MBOAT2: variants seen among roughly 807,000 people sequenced by gnomAD.
The protein encoded by MBOAT2 is membrane-bound glycerophospholipid O-acyltransferase 2.
A neutral mutation model predicts 63.4 loss-of-function variants in MBOAT2; 28 were observed. The observed-to-expected ratio is 0.44, with a 90% CI of 0.33 to 0.61. The LOEUF (loss-of-function observed/expected upper bound fraction) is 0.61, where lower values mean the gene tolerates loss of function less well. Ranked by LOEUF, MBOAT2 falls within the 20% of genes least tolerant of loss-of-function variation. The probability of loss-of-function intolerance (pLI) is 0.03; values close to 1 mark genes in which losing one functional copy is unlikely to be tolerated. For synonymous variants in MBOAT2, 211 were observed against 215.6 expected (o/e 0.98, Z 0.19); for missense variants, 470 against 605.8 (o/e 0.78, Z 2.35).
At chr2:8,928,846 A>G (rs1018615776) in intron 3 of MBOAT2, among the ~76,000 whole-genome samples, 1 of 152,182 alleles carries the variant, frequency 6.6e-6, no homozygotes, top group South Asian at 2.1e-4. Flanking sequence ...AAAGGCAAAT[A>G]ATGTCTAAGT....
intron 3 of MBOAT2, among the ~76,000 whole-genome samples, chr2:8,929,317 AT>A (rs1396865577): frequency 6.6e-6 from 1 of 150,622 alleles, no homozygotes; most frequent in Non-Finnish European, 1.5e-5. Flanking sequence ...TGGCTCTTAC[AT>A]TTTATTTATT....
chr2:8,925,946 T>C (rs1666899413), intron 3 of MBOAT2, among the ~76,000 whole-genome samples: 1 of 152,218 alleles, frequency 6.6e-6, no homozygotes, highest in Non-Finnish European at 1.5e-5. Context: ...TAATCTTCAC[T>C]ACAATCTTAC....
At chr2:8,961,522 G>T (rs1490327507) in intron 1 of MBOAT2, among the ~76,000 whole-genome samples, 2 of 152,016 alleles carry the variant, frequency 1.3e-5, no homozygotes, top group Non-Finnish European at 2.9e-5. Flanking sequence ...CCATCCACAG[G>T]GGACTGTTAC....
intron 3 of MBOAT2, among the ~76,000 whole-genome samples, chr2:8,931,011 A>G (rs1282643570): frequency 6.6e-6 from 1 of 151,894 alleles, no homozygotes; most frequent in East Asian, 1.9e-4. Context: ...CTGCCGCCAC[A>G]CCAAATCTTT....
At chr2:8,859,288 T>G (rs1661330722) in intron 12 of MBOAT2, among the ~76,000 whole-genome samples, 1 of 152,166 alleles carries the variant, frequency 6.6e-6, no homozygotes, top group Non-Finnish European at 1.5e-5. Context: ...AGTTAAGACT[T>G]TTACCAGTCT....
At chr2:8,865,266 C>A (rs1282011644) in intron 9 of MBOAT2, among the ~76,000 whole-genome samples, 2 of 152,092 alleles carry the variant, frequency 1.3e-5, no homozygotes, top group Non-Finnish European at 2.9e-5. Flanking sequence ...ACCTAATACC[C>A]CATCTATATC....
rs1297908210 is a variant in MBOAT2, at chr2:8,862,021, T to C, written c.1185+569A>G. Among the ~76,000 whole-genome samples the C allele has an allele frequency of 6.6e-6, 1 of 152,234 alleles. No individual in the cohort carries two copies. The highest frequency in any genetic ancestry group is 1.5e-5 in the Non-Finnish European group (1 of 68,040). ...TCAAACATGGTTTTTGTCACGTCACTTTCCTCTAACTGGTTTTCAAGGGCT... is the reference window on the plus strand; with the variant it reads ...TCAAACATGGTTTTTGTCACGTCACCTTCCTCTAACTGGTTTTCAAGGGCT... On this transcript the variant is annotated intron_variant, in intron 11 of 12. Coordinates refer to ENST00000305997, the MANE Select transcript of MBOAT2 (RefSeq NM_138799.4). The surrounding 1 kb of genome is among the most constrained non-coding windows in gnomAD (Gnocchi z 4.3).
intron 11 of MBOAT2, chr2:8,861,032 G>A: frequency 4.9e-6 from 1 of 205,850 alleles, no homozygotes; most frequent in Non-Finnish European, 9.6e-6. Context: ...TGGGTAAAGG[G>A]CATATAGAAG....
chr2:8,872,445 T>C (rs2148523148), intron 8 of MBOAT2, among the ~76,000 whole-genome samples: 2 of 152,194 alleles, frequency 1.3e-5, no homozygotes, highest in Middle Eastern at 6.8e-3. Flanking sequence ...GCCTAGTTGA[T>C]TTTTAAAAAT....
chr2:8,863,103 G>A (rs1041928368), intron 10 of MBOAT2, among the ~76,000 whole-genome samples: 3 of 151,900 alleles, frequency 2.0e-5, no homozygotes, highest in Admixed American at 1.3e-4. Context: ...TACTCCTTCC[G>A]GCAGATAGAC....
chr2:8,933,704 T>C (rs762472883), intron 3 of MBOAT2, among the ~76,000 whole-genome samples: 18 of 152,174 alleles, frequency 1.2e-4, no homozygotes, highest in Non-Finnish European at 2.2e-4. Flanking sequence ...TTTTAGACAG[T>C]CCTGAACTGG....
At chr2:8,878,219 T>C (rs1004788901) in intron 6 of MBOAT2, among the ~76,000 whole-genome samples, 1 of 152,170 alleles carries the variant, frequency 6.6e-6, no homozygotes, top group Non-Finnish European at 1.5e-5. Flanking sequence ...GTCCAAATGA[T>C]ACATGGTACC....
chr2:8,987,594 C>G (rs950744122), intron 1 of MBOAT2, among the ~76,000 whole-genome samples: 1 of 152,142 alleles, frequency 6.6e-6, no homozygotes, highest in African/African-American at 2.4e-5. Context: ...GCATGGACAC[C>G]TCATTGTTTC....
rs751318438 is a variant in MBOAT2, at chr2:8,958,526, G to T, written c.192C>A (p.Gly64=). ...CAAAGCAAAAAAGTGCAAGATAAAG[G>T]CCCAAAAGGGTAGCAACTACATGTC... ...FIRHVVATLL[G]LYLALFCFGW... Residue 64 remains glycine (G), a synonymous_variant, in exon 2 of 13, where the codon GGC becomes GGA. Transcript: ENST00000305997. 3.1e-6 allele frequency: 5 copies of T among 1,603,308 alleles called. No homozygotes were observed. The highest frequency in any genetic ancestry group is 4.2e-6 in the Non-Finnish European group (5 of 1,177,152).
intron 3 of MBOAT2, among the ~76,000 whole-genome samples, chr2:8,922,573 C>T (rs1489782857): frequency 1.3e-5 from 2 of 152,180 alleles, no homozygotes; most frequent in Non-Finnish European, 2.9e-5. Flanking sequence ...CTCAGTGTTG[C>T]TTTTTAGCCT....
At chr2:8,912,693 A>G (rs1434939757) in intron 3 of MBOAT2, among the ~76,000 whole-genome samples, 1 of 152,254 alleles carries the variant, frequency 6.6e-6, no homozygotes, top group Admixed American at 6.5e-5. Flanking sequence ...GAAATCATAG[A>G]CGACACAAAC....
intron 1 of MBOAT2, among the ~76,000 whole-genome samples, chr2:8,963,437 G>T (rs1426443109): frequency 1.3e-5 from 2 of 152,052 alleles, no homozygotes; most frequent in Non-Finnish European, 2.9e-5. Flanking sequence ...CCAAGCAGCT[G>T]GGATTACAGG....
At chr2:8,914,147 A>T (rs1485508958) in intron 3 of MBOAT2, among the ~76,000 whole-genome samples, 2 of 152,162 alleles carry the variant, frequency 1.3e-5, no homozygotes, top group Non-Finnish European at 2.9e-5. Context: ...GAATGATACA[A>T]TGGACTCTGG....
chr2:8,959,280 C>A (rs994688520), intron 1 of MBOAT2, among the ~76,000 whole-genome samples: 4 of 152,084 alleles, frequency 2.6e-5, no homozygotes, highest in Admixed American at 2.0e-4. Flanking sequence ...CTCAAGTCCA[C>A]CAACCTCAAT....
Sources: gnomAD v4.1 joint callset for allele counts (sites outside exome capture counted in the v4.1 genomes callset) on GRCh38, gnomAD v4.1.1 for gene constraint, Gnocchi (gnomAD v3.1) non-coding constraint, MANE v1.5 for transcripts, NCBI Gene and HGNC (gene_info 2026-07-23, HGNC 2026-07-21) for gene names.